Variants in SLC2A9 observed in about 807,000 individuals in gnomAD.
SLC2A9 encodes the protein solute carrier family 2, facilitated glucose transporter member 9.
In SLC2A9, 39 loss-of-function variants were observed where a neutral mutation model predicts 50.6. The observed-to-expected ratio is 0.77, with a 90% CI of 0.60 to 1.01. The LOEUF (loss-of-function observed/expected upper bound fraction) is 1.01, where lower values mean the gene tolerates loss of function less well. Ranked by LOEUF, SLC2A9 falls within the 50% of genes least tolerant of loss-of-function variation. The pLI is 0.00. For missense variants in SLC2A9, 686 were observed against 677.6 expected, an observed-to-expected ratio of 1.01 and a Z score of -0.14; for synonymous variants, 324 against 276.9, an observed-to-expected ratio of 1.17 and a Z score of -1.69.
At chr4:9,780,925 A>G (rs768178002) in intron 3 of SLC2A9, among the ~76,000 whole-genome samples, 16 of 152,130 alleles carry the variant, frequency 1.1e-4, no homozygotes, top group Non-Finnish European at 2.2e-4. Context: ...CTCCAACTCT[A>G]TGGGGGTGGG....
Position 9,781,180 on chromosome 4 carries a change from A to T in SLC2A9, n.386-1115T>A, listed in dbSNP as rs141443452. ...GTTCTGACACTGTCCCAGGAGTAGGAATCATTATCCCACGCTGTGGAGAAG... is the reference window on the plus strand; with the variant it reads ...GTTCTGACACTGTCCCAGGAGTAGGTATCATTATCCCACGCTGTGGAGAAG... On this transcript the variant is annotated intron_variant and non_coding_transcript_variant, in intron 3 of 3. Transcript: ENST00000503803. Among the ~76,000 whole-genome samples the T allele has an allele frequency of 3.3e-3, 497 of 152,226 alleles. 3 individuals carry two copies. Among genetic ancestry groups the T allele is most frequent in the South Asian group, 4.4e-3 (21 of 4,820 alleles).
At chr4:10,031,364 A>G (rs1267369034) in intron 1 of SLC2A9, among the ~76,000 whole-genome samples, 1 of 152,256 alleles carries the variant, frequency 6.6e-6, no homozygotes, top group Non-Finnish European at 1.5e-5. Flanking sequence ...AGCAAAGCCT[A>G]ATTGCATGAA....
At chr4:9,828,321 T>C (rs1365039287) in intron 11 of SLC2A9, among the ~76,000 whole-genome samples, 3 of 152,238 alleles carry the variant, frequency 2.0e-5, no homozygotes, top group Non-Finnish European at 2.9e-5. Flanking sequence ...ATTTTTGCAA[T>C]AGCTTGTCAA....
chr4:9,774,381 C>T (rs868192522), intron 1 of SLC2A9, among the ~76,000 whole-genome samples: 1 of 152,178 alleles, frequency 6.6e-6, no homozygotes, highest in African/African-American at 2.4e-5. Context: ...AAGCTTCCTG[C>T]CTCTGAGCCT....
chr4:10,033,484 C>G (rs979983808), intron 1 of SLC2A9, among the ~76,000 whole-genome samples: 2 of 152,184 alleles, frequency 1.3e-5, no homozygotes, highest in Admixed American at 1.3e-4. Context: ...AGTATCTACC[C>G]AGAAATCATC....
At chr4:10,011,151 A>G (rs1761701102) in intron 2 of SLC2A9, among the ~76,000 whole-genome samples, 1 of 152,180 alleles carries the variant, frequency 6.6e-6, no homozygotes, top group African/African-American at 2.4e-5. Flanking sequence ...CGGCCCTGCC[A>G]CAGACCTTGC....
chr4:9,956,297 C>T (rs1751271336), intron 5 of SLC2A9, among the ~76,000 whole-genome samples: 1 of 150,574 alleles, frequency 6.6e-6, no homozygotes, highest in Non-Finnish European at 1.5e-5. Context: ...TCCTGGCTAA[C>T]ATGGTGAAAC....
At chr4:9,903,839 T>G (rs1471867165) in intron 8 of SLC2A9, among the ~76,000 whole-genome samples, 1 of 147,482 alleles carries the variant, frequency 6.8e-6, no homozygotes, top group Non-Finnish European at 1.5e-5. Flanking sequence ...TTTTGTATAT[T>G]ATATAAATAT....
At chr4:9,806,150 G>A (rs1722085605) in intron 3 of SLC2A9, among the ~76,000 whole-genome samples, 1 of 152,186 alleles carries the variant, frequency 6.6e-6, no homozygotes, top group South Asian at 2.1e-4. Context: ...CCAACATCTG[G>A]CCATCAACTG....
intron 10 of SLC2A9, among the ~76,000 whole-genome samples, chr4:9,875,792 T>C (rs1483258387): frequency 6.6e-6 from 1 of 152,180 alleles, no homozygotes; most frequent in Admixed American, 6.5e-5. Flanking sequence ...AACTCCAAGC[T>C]CCTGATTGGG....
At chr4:9,834,164 A>G (rs1418345996) in intron 11 of SLC2A9, among the ~76,000 whole-genome samples, 1 of 152,094 alleles carries the variant, frequency 6.6e-6, no homozygotes, top group East Asian at 1.9e-4. Context: ...CACTTCACTC[A>G]GGCCTCTGCG....
chr4:9,961,659 A>G (rs897110668), intron 5 of SLC2A9, among the ~76,000 whole-genome samples: 10 of 152,214 alleles, frequency 6.6e-5, no homozygotes, highest in African/African-American at 2.2e-4. Context: ...GCATGGGCAA[A>G]GATTTCATGA....
chr4:9,890,232 T>A (rs1737120037), intron 9 of SLC2A9, among the ~76,000 whole-genome samples: 1 of 152,200 alleles, frequency 6.6e-6, no homozygotes. Flanking sequence ...GTGGCTGATA[T>A]GCAGCACCTG....
chr4:9,922,198 C>T (rs1049120557), intron 6 of SLC2A9, among the ~76,000 whole-genome samples: 2 of 152,282 alleles, frequency 1.3e-5, no homozygotes, highest in African/African-American at 4.8e-5. Flanking sequence ...GTGAACAGTG[C>T]TCAGCAAACT....
At chr4:9,924,258 C>T (rs1744489752) in intron 6 of SLC2A9, 1 of 152,274 alleles carries the variant, frequency 6.6e-6, no homozygotes, top group African/African-American at 2.4e-5. Context: ...TGCATGCCAC[C>T]CATGTCTCTC....
intron 2 of SLC2A9, among the ~76,000 whole-genome samples, chr4:10,010,579 C>A (rs1216107665): frequency 6.6e-6 from 1 of 152,166 alleles, no homozygotes; most frequent in African/African-American, 2.4e-5. Context: ...CATGGCGAAG[C>A]TGTGTGCGAG....
chr4:9,980,874 T>C, intron 4 of SLC2A9, 137 bp from the exon 5 acceptor site: 14 of 1,127,310 alleles, frequency 1.2e-5, no homozygotes, highest in Non-Finnish European at 1.8e-5. Context: ...TCCCAGCACT[T>C]AGCACAAATT....
At chr4:9,840,463 GT>G (rs1205545828) in intron 10 of SLC2A9, among the ~76,000 whole-genome samples, 2 of 151,854 alleles carry the variant, frequency 1.3e-5, no homozygotes, top group Non-Finnish European at 2.9e-5. Flanking sequence ...TAGTTTTATT[GT>G]TTTTTTCTGA....
chr4:9,784,568 A>G (rs1718975423), intron 3 of SLC2A9, among the ~76,000 whole-genome samples: 1 of 152,236 alleles, frequency 6.6e-6, no homozygotes, highest in Non-Finnish European at 1.5e-5. Flanking sequence ...TTTAAGTAAA[A>G]TGTAGAAGCC....
Sources: gnomAD v4.1 joint callset for allele counts (sites outside exome capture counted in the v4.1 genomes callset) on GRCh38, gnomAD v4.1.1 for gene constraint, MANE v1.5 for transcripts, NCBI Gene and HGNC (gene_info 2026-07-23, HGNC 2026-07-21) for gene names.